The following METTL6 variants were observed in gnomAD, a reference collection of about 807,000 sequenced individuals.
The protein encoded by METTL6 is tRNA N(3)-cytidine methyltransferase METTL6.
Under a neutral mutation model 26.4 loss-of-function variants are expected in METTL6, and 22 were observed. That is an observed-to-expected ratio of 0.83 (90% confidence interval 0.59 to 1.19). METTL6 has a LOEUF of 1.19. Ranked by LOEUF, METTL6 falls within the 50% of genes most tolerant of loss-of-function variation. The pLI is 0.00. For synonymous variants in METTL6, 109 were observed against 116.2 expected, an observed-to-expected ratio of 0.94 and a Z score of 0.40; for missense variants, 304 against 324.8, an observed-to-expected ratio of 0.94 and a Z score of 0.49.
chr3:15,393,841 T>G (rs1474676715), intron 6 of METTL6, among the ~76,000 whole-genome samples: 1 of 152,246 alleles, frequency 6.6e-6, no homozygotes, highest in Non-Finnish European at 1.5e-5. Flanking sequence ...ATCCCAGGGA[T>G]GAAGCCCACT....
At position 15,410,708 on chromosome 3, in the gene METTL6, TA is replaced by T. The variant is rs1559488289; in HGVS notation, c.*547del. Among the ~76,000 whole-genome samples the T allele has an allele frequency of 6.6e-6, 1 of 151,672 alleles. No homozygotes were observed. Among genetic ancestry groups the T allele is most frequent in the South Asian group, 2.1e-4 (1 of 4,808 alleles). ...AAGCGGGACTACTGTACATGCTCATTAAAAAAAATTAAGGGCCAGGCATGGT... is the reference window on the plus strand; with the variant it reads ...AAGCGGGACTACTGTACATGCTCATTAAAAAAATTAAGGGCCAGGCATGGT... On this transcript the variant is annotated 3_prime_UTR_variant, in exon 6 of 6. Coordinates refer to ENST00000383790, the MANE Select transcript of METTL6 (RefSeq NM_152396.4).
intron 4 of METTL6, chr3:15,414,705 C>T (rs540113144): frequency 5.5e-5 from 19 of 346,422 alleles, no homozygotes; most frequent in African/African-American, 4.0e-4. Context: ...TCCAGTGTCA[C>T]AGGATTAAAA....
intron 6 of METTL6, among the ~76,000 whole-genome samples, chr3:15,390,591 A>C (rs1699317831): frequency 6.6e-6 from 1 of 152,206 alleles, no homozygotes; most frequent in South Asian, 2.1e-4. Context: ...GAGTGAGTGC[A>C]GGAACTGGAA....
exon 7 of METTL6, chr3:15,383,191 C>T (rs545859416): frequency 6.6e-6 from 1 of 152,188 alleles, no homozygotes; most frequent in Non-Finnish European, 1.5e-5. Context: ...CTAGAAGAAA[C>T]CTTTTCCCTA....
At chr3:15,406,221 G>C (rs1699779557), downstream of METTL6, among the ~76,000 whole-genome samples, 1 of 151,990 alleles carries the variant, frequency 6.6e-6, no homozygotes, top group African/African-American at 2.4e-5. Context: ...TTGACTCTTT[G>C]TAGTCTATAT....
chr3:15,409,484 C>T (rs946819971), downstream of METTL6, among the ~76,000 whole-genome samples: 3 of 152,202 alleles, frequency 2.0e-5, no homozygotes, highest in Non-Finnish European at 4.4e-5. Context: ...TTCTGCAACA[C>T]TAGCTACGTG....
intron 3 of METTL6, 66 bp downstream of exon 3, chr3:15,424,889 A>C (rs549180100): frequency 6.2e-7 from 1 of 1,603,052 alleles, no homozygotes; most frequent in African/African-American, 1.3e-5. Flanking sequence ...ATGAATAAAA[A>C]AGGCAGATCA....
At chr3:15,409,613 C>A (rs952988482), downstream of METTL6, among the ~76,000 whole-genome samples, 1 of 152,154 alleles carries the variant, frequency 6.6e-6, no homozygotes, top group Non-Finnish European at 1.5e-5. Context: ...AGACACCAGT[C>A]ATCTTCTCCG....
At chr3:15,398,724 C>A (rs533007221) in intron 6 of METTL6, among the ~76,000 whole-genome samples, 9 of 152,186 alleles carry the variant, frequency 5.9e-5, no homozygotes, top group Non-Finnish European at 1.0e-4. Flanking sequence ...GTCCCATGTA[C>A]CTGTAGTCCT....
chr3:15,414,116 T>C lies in METTL6; in HGVS notation c.578A>G (p.Tyr193Cys). The change falls in exon 5 of 6, where the codon TAT (tyrosine) becomes TGT (cysteine). Residue 193 changes from tyrosine to cysteine, a missense_variant. Physicochemically the swap from Tyr to Cys is radical, Grantham distance 194 (BLOSUM62 -2). Coordinates refer to ENST00000383790, the MANE Select transcript of METTL6 (RefSeq NM_152396.4). ...KSVLFRDYGL[Y>C]DHAMLRFKAS... ...TTTAAACCTAAGCATGGCATGATCATACAGTCCGTAGTCACGAAACAAGAC... is the reference window on the plus strand; with the variant it reads ...TTTAAACCTAAGCATGGCATGATCACACAGTCCGTAGTCACGAAACAAGAC... The C allele has an allele frequency of 6.2e-7, 1 of 1,614,172 alleles. No homozygotes were observed. Among genetic ancestry groups the C allele is most frequent in the Non-Finnish European group, 8.5e-7 (1 of 1,180,026 alleles).
At chr3:15,391,257 G>A (rs937889350) in intron 6 of METTL6, among the ~76,000 whole-genome samples, 3 of 152,222 alleles carry the variant, frequency 2.0e-5, no homozygotes, top group Non-Finnish European at 4.4e-5. Context: ...AAGGCAACAC[G>A]TGGGTGGAAA....
intron 6 of METTL6, among the ~76,000 whole-genome samples, chr3:15,393,809 G>A (rs1401129256): frequency 1.3e-5 from 2 of 152,152 alleles, no homozygotes; most frequent in African/African-American, 4.8e-5. Flanking sequence ...TTATTGATTT[G>A]CATATGTTGA....
At chr3:15,391,779 G>C (rs1405309140) in intron 6 of METTL6, among the ~76,000 whole-genome samples, 2 of 151,574 alleles carry the variant, frequency 1.3e-5, no homozygotes, top group African/African-American at 2.4e-5. Flanking sequence ...ATAGTTTGCT[G>C]AGAATGATGG....
downstream of METTL6, among the ~76,000 whole-genome samples, chr3:15,408,182 T>G (rs943401784): frequency 6.6e-6 from 1 of 152,182 alleles, no homozygotes; most frequent in Non-Finnish European, 1.5e-5. Flanking sequence ...GACTTCAGAA[T>G]AGAGGATATC....
downstream of METTL6, among the ~76,000 whole-genome samples, chr3:15,405,485 G>T (rs192681176): frequency 5.3e-5 from 8 of 152,278 alleles, no homozygotes; most frequent in Admixed American, 2.0e-4. Flanking sequence ...AGATGGGATT[G>T]ATCTTATGAG....
intron 6 of METTL6, among the ~76,000 whole-genome samples, chr3:15,402,197 G>A (rs185767730): frequency 5.3e-4 from 80 of 152,308 alleles, no homozygotes; most frequent in African/African-American, 1.8e-3. Flanking sequence ...GCACTGGGGA[G>A]AGACTTTCAT....
At chr3:15,413,121 TG>T (rs1465365326) in intron 5 of METTL6, among the ~76,000 whole-genome samples, 1 of 152,128 alleles carries the variant, frequency 6.6e-6, no homozygotes, top group Non-Finnish European at 1.5e-5. Flanking sequence ...GGCACACACT[TG>T]TAATCCTTGC....
intron 4 of METTL6, chr3:15,414,379 GGA>G: frequency 8.2e-7 from 1 of 1,223,560 alleles, no homozygotes; most frequent in Admixed American, 3.9e-5. Context: ...TTTTTGAGAT[GGA>G]GTCTTGCTCT....
At chr3:15,397,612 C>A (rs570245848) in intron 6 of METTL6, among the ~76,000 whole-genome samples, 1 of 152,152 alleles carries the variant, frequency 6.6e-6, no homozygotes, top group African/African-American at 2.4e-5. Flanking sequence ...TGTTCCTATT[C>A]GGCCATCTTC....
Sources: allele counts gnomAD v4.1 joint callset (sites outside exome capture counted in the v4.1 genomes callset), GRCh38; gene constraint gnomAD v4.1.1; transcripts MANE v1.5; gene names NCBI Gene and HGNC (gene_info 2026-07-23, HGNC 2026-07-21).